The following PTPN13 variants were observed in gnomAD, a reference collection of about 807,000 sequenced individuals.
PTPN13 encodes tyrosine-protein phosphatase non-receptor type 13.
Under a neutral mutation model 284.0 loss-of-function variants are expected in PTPN13, and 191 were observed. The observed-to-expected ratio is 0.67, with a 90% CI of 0.60 to 0.76. The LOEUF (loss-of-function observed/expected upper bound fraction) is 0.76. Ranked by LOEUF, PTPN13 falls within the 30% of genes least tolerant of loss-of-function variation. The pLI is 0.00. For synonymous variants in PTPN13, 986 were observed against 1,022.3 expected (o/e 0.96, Z 0.68); for missense variants, 2,797 against 2,939.9 (o/e 0.95, Z 1.12).
At chr4:86,632,916 C>T (rs969742323) in intron 1 of PTPN13, among the ~76,000 whole-genome samples, 1 of 152,060 alleles carries the variant, frequency 6.6e-6, no homozygotes, top group Non-Finnish European at 1.5e-5. Context: ...TCAAGCGAGC[C>T]TCCCTTTTCA....
rs753414809 is a variant in PTPN13, at chr4:86,775,178, A to G, written c.5516A>G (p.Asp1839Gly). 1 of 1,597,014 alleles carries G rather than the reference A, an allele frequency of 6.3e-7. No individual in the cohort carries two copies. Among genetic ancestry groups the G allele is most frequent in the South Asian group, 1.2e-5 (1 of 86,798 alleles). Residue 1839 changes from aspartate (D) to glycine (G), a missense_variant, in exon 34 of 48, where the codon GAT becomes GGT. By Grantham distance (94) the Asp-to-Gly change is moderately conservative. Coordinates refer to ENST00000411767, the MANE Select transcript of PTPN13 (RefSeq NM_080683.3). The stretch of plus-strand genomic sequence containing the variant: ...CCTTTCTTGTTTTTGTAGGTTAATG[A>G]TACAGATGTTACTAATATGACTCAT... ...KPGDRLIKVN[D>G]TDVTNMTHTD...
intron 15 of PTPN13, among the ~76,000 whole-genome samples, chr4:86,740,614 C>T (rs940311523): frequency 2.0e-5 from 3 of 152,138 alleles, no homozygotes; most frequent in African/African-American, 7.2e-5. Context: ...AAACCTTTTC[C>T]CCATTGTCTT....
At position 86,635,248 on chromosome 4, in the gene PTPN13, C is replaced by G; in HGVS notation, c.-5-4C>G. 1 of 1,587,912 alleles carries G rather than the reference C, an allele frequency of 6.3e-7. No homozygotes were observed. The highest frequency in any genetic ancestry group is 8.6e-7 in the Non-Finnish European group (1 of 1,166,946). ...ATAGACCATCTGTTACCTTTGTTTC[C>G]CAGGTAATATGCACGTGTCACTAGC... On this transcript the variant is annotated splice_polypyrimidine_tract_variant and splice_region_variant and intron_variant, in intron 1 of 47. Transcript: ENST00000411767.
chr4:86,617,323 A>C (rs1347580952), intron 1 of PTPN13, among the ~76,000 whole-genome samples: 1 of 152,224 alleles, frequency 6.6e-6, no homozygotes, highest in Non-Finnish European at 1.5e-5. Context: ...TCCTCGACTT[A>C]GGAGGGTTCA....
intron 1 of PTPN13, among the ~76,000 whole-genome samples, chr4:86,620,183 TG>T (rs1679279319): frequency 6.6e-6 from 1 of 152,250 alleles, no homozygotes; most frequent in South Asian, 2.1e-4. Context: ...TTATTATTTT[TG>T]AGACAAGTTC....
At chr4:86,700,795 T>G (rs1731074188) in intron 6 of PTPN13, among the ~76,000 whole-genome samples, 1 of 152,214 alleles carries the variant, frequency 6.6e-6, no homozygotes, top group Non-Finnish European at 1.5e-5. Context: ...TAAATGTATG[T>G]ATTTAAAAGA....
At chr4:86,790,552 C>G (rs547085425) in intron 40 of PTPN13, among the ~76,000 whole-genome samples, 6 of 152,232 alleles carry the variant, frequency 3.9e-5, no homozygotes, top group East Asian at 3.9e-4. Context: ...CACACACACA[C>G]ACAAAAAGAA....
intron 32 of PTPN13, 133 bp downstream of exon 32, chr4:86,773,091 T>C: frequency 4.7e-6 from 3 of 644,210 alleles, no homozygotes; most frequent in Non-Finnish European, 7.4e-6. Context: ...GGATAACATA[T>C]CTGGTATGTT....
intron 3 of PTPN13, among the ~76,000 whole-genome samples, chr4:86,684,509 A>C (rs1185654335): frequency 6.6e-6 from 1 of 152,206 alleles, no homozygotes; most frequent in Admixed American, 6.5e-5. Flanking sequence ...TTATTTTAAA[A>C]TTTGAATGTT....
At chr4:86,614,821 C>T (rs1720354498) in intron 1 of PTPN13, among the ~76,000 whole-genome samples, 1 of 152,056 alleles carries the variant, frequency 6.6e-6, no homozygotes, top group Non-Finnish European at 1.5e-5. Context: ...TTTAAGAAAG[C>T]TGAAATGCCC....
At chr4:86,728,012 G>T (rs1280400455) in intron 10 of PTPN13, among the ~76,000 whole-genome samples, 1 of 149,504 alleles carries the variant, frequency 6.7e-6, no homozygotes, top group Non-Finnish European at 1.5e-5. Context: ...CTGGTATGTT[G>T]TGTCTTCGTT....
chr4:86,603,871 A>G (rs1223955837), intron 1 of PTPN13, among the ~76,000 whole-genome samples: 3 of 152,244 alleles, frequency 2.0e-5, no homozygotes, highest in East Asian at 1.9e-4. Context: ...AGACTAGTTC[A>G]TGGCCATTAA....
At chr4:86,647,082 G>C (rs1220046227) in intron 2 of PTPN13, among the ~76,000 whole-genome samples, 3 of 152,150 alleles carry the variant, frequency 2.0e-5, no homozygotes, top group Non-Finnish European at 2.9e-5. Flanking sequence ...TGGGGATGAA[G>C]CAGGGAATTA....
intron 2 of PTPN13, among the ~76,000 whole-genome samples, chr4:86,641,091 A>G (rs953878427): frequency 2.6e-5 from 4 of 152,182 alleles, no homozygotes; most frequent in African/African-American, 9.6e-5. Context: ...TGATAACACA[A>G]TATCTTTTTT....
chr4:86,634,535 G>C (rs1054516483), intron 1 of PTPN13, among the ~76,000 whole-genome samples: 3 of 152,062 alleles, frequency 2.0e-5, no homozygotes, highest in African/African-American at 7.2e-5. Flanking sequence ...TTCACCTTCT[G>C]TAGAATCATA....
intron 44 of PTPN13, among the ~76,000 whole-genome samples, chr4:86,807,281 T>C (rs1744759456): frequency 6.6e-6 from 1 of 152,186 alleles, no homozygotes; most frequent in African/African-American, 2.4e-5. Context: ...ATTAACTTAC[T>C]AATTTTAATT....
Position 86,691,159 on chromosome 4 carries a change from C to T in PTPN13, c.546+1969C>T, listed in dbSNP as rs796336863. ...GGAGGACTACTTGAGCCTGGGAGGTCGAGGCTGTAGTGAGGCATGATTGCA... is the reference window on the plus strand; with the variant it reads ...GGAGGACTACTTGAGCCTGGGAGGTTGAGGCTGTAGTGAGGCATGATTGCA... On this transcript the variant is annotated intron_variant, in intron 5 of 47. Coordinates refer to ENST00000411767, the MANE Select transcript of PTPN13 (RefSeq NM_080683.3). 1.3e-4 allele frequency among the ~76,000 whole-genome samples: 19 copies of T among 149,656 alleles called. 1 individual carries two copies. In the South Asian group the frequency reaches 2.9e-3, roughly 23 times the overall value.
Position 86,814,661 on chromosome 4 carries a change from TG to T in PTPN13, c.*111del. 1.3e-6 allele frequency: 1 copy of T among 779,862 alleles called. No homozygotes were observed. The highest frequency in any genetic ancestry group is 1.8e-5 in the South Asian group (1 of 56,010). 48.3% of individuals were successfully genotyped at this position (779,862 alleles called of 1,614,324 possible). ...GAGCAGCAAGTTCATACAACATGCA[TG>T]TTCTCCTCTATCTTAGAGGGGTATT... On this transcript the variant is annotated 3_prime_UTR_variant, in exon 48 of 48. Transcript: ENST00000411767.
intron 2 of PTPN13, among the ~76,000 whole-genome samples, chr4:86,668,317 C>A (rs1169494554): frequency 2.6e-5 from 4 of 152,042 alleles, no homozygotes; most frequent in Non-Finnish European, 4.4e-5. Context: ...CTTTAAATTT[C>A]TTCCTTTTAG....
Sources: gnomAD v4.1 joint callset for allele counts (sites outside exome capture counted in the v4.1 genomes callset) on GRCh38, gnomAD v4.1.1 for gene constraint, MANE v1.5 for transcripts, NCBI Gene and HGNC (gene_info 2026-07-23, HGNC 2026-07-21) for gene names.